Variants in DLG5 observed in about 807,000 individuals in gnomAD.
DLG5 encodes disks large homolog 5.
In DLG5, 48 loss-of-function variants were observed where a neutral mutation model predicts 189.8. The observed-to-expected ratio is 0.25, with a 90% CI of 0.20 to 0.32. The LOEUF (loss-of-function observed/expected upper bound fraction) is 0.32. Ranked by LOEUF, DLG5 falls within the 10% of genes least tolerant of loss-of-function variation. The pLI, the probability that DLG5 is intolerant of heterozygous loss-of-function variation, is 1.00. For synonymous variants in DLG5, 1,016 were observed against 1,054.1 expected, an observed-to-expected ratio of 0.96 and a Z score of 0.70; for missense variants, 2,160 against 2,544.7, an observed-to-expected ratio of 0.85 and a Z score of 3.25.
intron 20 of DLG5, among the ~76,000 whole-genome samples, chr10:77,814,373 G>A (rs774387218): frequency 3.8e-4 from 57 of 149,564 alleles, no homozygotes; most frequent in Non-Finnish European, 6.8e-4. Context: ...CTCAAAAGAG[G>A]TTTATAAAGT....
intron 1 of DLG5, among the ~76,000 whole-genome samples, chr10:77,875,632 A>G (rs1161008039): frequency 2.0e-5 from 3 of 152,294 alleles, no homozygotes; most frequent in African/African-American, 7.2e-5. Context: ...AACTGCAGAG[A>G]TGAGGAAGGA....
In DLG5 at chr10:77,869,202, G is replaced by A. The variant is rs1005863829; in HGVS notation, c.305-5C>T. The A allele has an allele frequency of 6.2e-7, 1 of 1,613,368 alleles. No individual in the cohort carries two copies. The highest frequency in any genetic ancestry group is 1.3e-5 in the African/African-American group (1 of 74,828). On this transcript the variant is annotated splice_region_variant and splice_polypyrimidine_tract_variant and intron_variant, in intron 1 of 31. Transcript: ENST00000372391. ...ACAGGACGCTGTAGGTAGAACCTGG[G>A]GAAAGAGGGGAGACCATGTTACTAA... is the stretch of plus-strand genomic sequence containing the variant.
At chr10:77,857,215 A>C (rs556457619) in intron 2 of DLG5, among the ~76,000 whole-genome samples, 2 of 152,264 alleles carry the variant, frequency 1.3e-5, no homozygotes, top group East Asian at 3.9e-4. Flanking sequence ...TGATCCTTGC[A>C]TCCTCCCCTG....
chr10:77,926,663 G>T lies in DLG5; in HGVS notation c.-143C>A. 1 of 492,704 alleles carries T rather than the reference G, an allele frequency of 2.0e-6. No individual in the cohort carries two copies. Among genetic ancestry groups the T allele is most frequent in the Non-Finnish European group, 2.6e-6 (1 of 378,900 alleles). The allele number at this position is 492,704 out of a possible 1,614,324, so 30.5% of individuals were successfully genotyped here. On this transcript the variant is annotated 5_prime_UTR_variant, in exon 1 of 32. Transcript: ENST00000372391. The surrounding 1 kb of genome is among the most constrained non-coding windows in gnomAD (Gnocchi z 5.2). ...GGAGCCATGGGCCGGGGCCTGGGCG[G>T]GCTGGGGGCCCGGGGCGGCGGGCGG...
At chr10:77,895,713 T>C (rs530576740) in intron 1 of DLG5, among the ~76,000 whole-genome samples, 1 of 152,156 alleles carries the variant, frequency 6.6e-6, no homozygotes, top group Admixed American at 6.5e-5. Flanking sequence ...CCTGGGGATA[T>C]CAGTAGTCAG....
chr10:77,838,678 C>T (rs981120728), intron 7 of DLG5, among the ~76,000 whole-genome samples: 2 of 152,198 alleles, frequency 1.3e-5, no homozygotes, highest in Non-Finnish European at 2.9e-5. Context: ...AACTGAAGCC[C>T]AGCCCTCGGG....
chr10:77,856,627 C>G, intron 3 of DLG5, 103 bp downstream of exon 3: 1 of 1,469,840 alleles, frequency 6.8e-7, no homozygotes, highest in Non-Finnish European at 9.3e-7. Context: ...GGCAGCGCAG[C>G]CTGGACCCCC....
chr10:77,914,789 A>G (rs1846315414), intron 1 of DLG5, among the ~76,000 whole-genome samples: 1 of 152,188 alleles, frequency 6.6e-6, no homozygotes, highest in Admixed American at 6.5e-5. Flanking sequence ...GCAGCCGCCA[A>G]ACCACCAGGA....
intron 13 of DLG5, among the ~76,000 whole-genome samples, chr10:77,825,712 T>C (rs1842601472): frequency 6.6e-6 from 1 of 152,022 alleles, no homozygotes; most frequent in Non-Finnish European, 1.5e-5. Flanking sequence ...TATGCCTCCA[T>C]GCCCGGCTAA....
rs944425922 is a variant in DLG5, at chr10:77,843,436, C to A, written c.1124+11G>T. On this transcript the variant is annotated intron_variant, in intron 6 of 31. Coordinates refer to ENST00000372391, the MANE Select transcript of DLG5 (RefSeq NM_004747.4). ...CCATTTGCCCCCGGCCCCCGATGGC[C>A]CTAGCCCTACCTCCTCAGGGAGAGG... The A allele has an allele frequency of 3.7e-6, 6 of 1,612,736 alleles. No individual in the cohort carries two copies. In the Admixed American group the frequency reaches 1.0e-4, roughly 27 times the overall value.
intron 17 of DLG5, among the ~76,000 whole-genome samples, chr10:77,818,187 G>A (rs576591407): frequency 1.3e-5 from 2 of 152,272 alleles, no homozygotes; most frequent in South Asian, 4.2e-4. Context: ...CAGAGGTTTT[G>A]CAACCTGGGT....
At chr10:77,909,182 T>C (rs1846147334) in intron 1 of DLG5, among the ~76,000 whole-genome samples, 1 of 152,166 alleles carries the variant, frequency 6.6e-6, no homozygotes, top group Admixed American at 6.5e-5. Flanking sequence ...AAGCTTGTGT[T>C]ATCTCATGCA....
intron 20 of DLG5, among the ~76,000 whole-genome samples, chr10:77,813,933 G>A (rs886084736): frequency 6.6e-6 from 1 of 152,182 alleles, no homozygotes; most frequent in African/African-American, 2.4e-5. Context: ...ATTACCAAGT[G>A]TTAACAATGG....
intron 31 of DLG5, 45 bp downstream of exon 31, chr10:77,793,963 C>T: frequency 1.9e-6 from 3 of 1,564,322 alleles, no homozygotes; most frequent in Non-Finnish European, 2.6e-6. Flanking sequence ...GCCTCTGCTT[C>T]CTTCCCTGCT....
chr10:77,803,544 G>A (rs1439121861), intron 27 of DLG5, among the ~76,000 whole-genome samples: 2 of 152,108 alleles, frequency 1.3e-5, no homozygotes, highest in Non-Finnish European at 2.9e-5. Flanking sequence ...AAAATATCAC[G>A]TAAAATAGAC....
At chr10:77,836,481 C>T (rs1270092767) in intron 7 of DLG5, among the ~76,000 whole-genome samples, 1 of 152,032 alleles carries the variant, frequency 6.6e-6, no homozygotes, top group African/African-American at 2.4e-5. Context: ...ACTGGTGTCC[C>T]CGCCCCGAGA....
rs541991104 is a variant in DLG5 at position 77,868,869 on chromosome 10, G to C, written c.373+260C>G. On this transcript the variant is annotated intron_variant, in intron 2 of 31. Coordinates refer to ENST00000372391, the MANE Select transcript of DLG5 (RefSeq NM_004747.4). ...TGGGGTGGGGATGGTGGGTCAACAGGCTCCCCTAGAAGCCCTGTGCCCTGA... is the reference window on the plus strand; with the variant it reads ...TGGGGTGGGGATGGTGGGTCAACAGCCTCCCCTAGAAGCCCTGTGCCCTGA... 352 of 498,048 alleles carry C rather than the reference G, an allele frequency of 7.1e-4. 8 individuals are homozygous for C. Among genetic ancestry groups the C allele is most frequent in the South Asian group, 7.0e-3 (321 of 45,766 alleles). 30.9% of individuals were successfully genotyped at this position (498,048 alleles called of 1,614,324 possible). A position where few individuals can be genotyped will look rare whatever the true frequency, so the allele number is the denominator to read the frequency against.
At chr10:77,826,833 A>C (rs1259325066) in intron 13 of DLG5, among the ~76,000 whole-genome samples, 1 of 152,014 alleles carries the variant, frequency 6.6e-6, no homozygotes, top group Non-Finnish European at 1.5e-5. Context: ...CTGTAATCTC[A>C]GCTACTTGGG....
intron 1 of DLG5, among the ~76,000 whole-genome samples, chr10:77,901,724 G>A (rs1407790300): frequency 6.6e-6 from 1 of 152,180 alleles, no homozygotes; most frequent in East Asian, 1.9e-4. Context: ...TGCTGACCTG[G>A]ACATAAGGAC....
Sources: allele counts gnomAD v4.1 joint callset (sites outside exome capture counted in the v4.1 genomes callset), GRCh38; gene constraint gnomAD v4.1.1; non-coding constraint Gnocchi (gnomAD v3.1); transcripts MANE v1.5; gene names NCBI Gene and HGNC (gene_info 2026-07-23, HGNC 2026-07-21).